The following CLSPN variants were observed in gnomAD, a reference collection of about 807,000 sequenced individuals.
CLSPN encodes claspin homolog.
CLSPN carries 85 observed loss-of-function variants against 156.3 expected under a neutral mutation model. That is an observed-to-expected ratio of 0.54 (90% CI 0.46 to 0.65). The LOEUF (loss-of-function observed/expected upper bound fraction) is 0.65. Among genes scored for constraint, CLSPN ranks in the 30% least tolerant of loss-of-function variants. The pLI is 0.00. For synonymous variants in CLSPN, 534 were observed against 542.4 expected, an observed-to-expected ratio of 0.98 and a Z score of 0.22; for missense variants, 1,407 against 1,554.9, an observed-to-expected ratio of 0.90 and a Z score of 1.60.
intron 24 of CLSPN, among the ~76,000 whole-genome samples, chr1:35,724,642 C>A (rs997263424): frequency 5.9e-5 from 9 of 152,204 alleles, no homozygotes; most frequent in African/African-American, 1.9e-4. Flanking sequence ...ATCATTTTAA[C>A]CTTTTTGGGC....
Position 35,742,223 on chromosome 1 carries a change from C to T in CLSPN, c.3143+918G>A, listed in dbSNP as rs1410367689. Among the ~76,000 whole-genome samples, 3 of 152,154 alleles carry T rather than the reference C, an allele frequency of 2.0e-5. No individual in the cohort carries two copies. The East Asian group carries it at 5.8e-4, about 29-fold the overall frequency. On this transcript the variant is annotated intron_variant, in intron 18 of 24. Coordinates refer to ENST00000318121, the MANE Select transcript of CLSPN (RefSeq NM_022111.4). ...AAGTTAAAAAGTGGCAAACTATTAA[C>T]TGACTGTTAGGGGAGATTTCACCTA...
chr1:35,761,235 T>G, intron 6 of CLSPN, 31 bp from the exon 7 acceptor site: 1 of 1,228,580 alleles, frequency 8.1e-7, no homozygotes, highest in Non-Finnish European at 1.2e-6. Flanking sequence ...AGCAAATATA[T>G]ATACTGTATA....
intron 21 of CLSPN, 88 bp from the exon 22 acceptor site, chr1:35,738,185 G>C: frequency 1.5e-6 from 1 of 669,970 alleles, no homozygotes; most frequent in Non-Finnish European, 2.2e-6. Flanking sequence ...AGCATGGCCT[G>C]GATTGTGAAA....
chr1:35,737,372 A>C lies in CLSPN; in HGVS notation c.3714T>G (p.Pro1238=). 2 of 1,614,124 alleles carry C rather than the reference A, an allele frequency of 1.2e-6. No individual in the cohort carries two copies. The highest frequency in any genetic ancestry group is 1.7e-6 in the Non-Finnish European group (2 of 1,179,960). The change falls in exon 23 of 25, where the codon CCT becomes CCG. Residue 1238 remains proline, a synonymous_variant. Transcript: ENST00000318121. ...CACTTCCTGGTCTGATGGCTTCAAA[A>C]GGATTTCTGAGCAAAGACTTTGATT... ...IQESKSLLRN[P]FEAIRPGSAQ...
At chr1:35,742,804 T>C (rs1053549066) in intron 18 of CLSPN, among the ~76,000 whole-genome samples, 4 of 149,670 alleles carry the variant, frequency 2.7e-5, no homozygotes, top group Non-Finnish European at 5.9e-5. Flanking sequence ...TGAAATGCAG[T>C]GGTGCGATCT....
In CLSPN at chr1:35,735,745, T is replaced by C; in HGVS notation, c.*751A>G. Reference sequence around the variant, plus strand: ...AAATCTTTCTTTCACCGAGCCCTGGTCATCATGGTACGTATCTCATGGGTG... The same window carrying C: ...AAATCTTTCTTTCACCGAGCCCTGGCCATCATGGTACGTATCTCATGGGTG... On this transcript the variant is annotated 3_prime_UTR_variant, in exon 25 of 25. Transcript: ENST00000318121. The C allele has an allele frequency of 2.0e-6, 2 of 984,666 alleles. No individual in the cohort carries two copies. The highest frequency in any genetic ancestry group is 1.7e-5 in the African/African-American group (1 of 57,180). The allele number at this position is 984,666 out of a possible 1,614,324, so 61.0% of individuals were successfully genotyped here.
intron 4 of CLSPN, 101 bp from the exon 5 acceptor site, chr1:35,762,582 A>G (rs1642520727): frequency 1.3e-6 from 1 of 788,770 alleles, no homozygotes; most frequent in East Asian, 2.6e-5. Context: ...ATCATGCTAC[A>G]TTAATAAATC....
In CLSPN at chr1:35,752,579, G is replaced by C. The variant is rs1054069440; in HGVS notation, c.1772-1073C>G. 1.2e-3 allele frequency among the ~76,000 whole-genome samples: 56 copies of C among 46,370 alleles called. 1 individual carries two copies. The highest frequency in any genetic ancestry group is 4.0e-3 in the African/African-American group (54 of 13,360). The allele number at this position is 46,370 out of a possible 152,430, so 30.4% of individuals were successfully genotyped here. The stretch of plus-strand genomic sequence containing the variant: ...GGTGACAGTGCAGGACTCTGTCTTA[G>C]AGGAAAAAAAAAAAAAAAAAAAAAA... On this transcript the variant is annotated intron_variant, in intron 9 of 24. Coordinates refer to ENST00000318121, the MANE Select transcript of CLSPN (RefSeq NM_022111.4).
chr1:35,728,585 T>C (rs1255915008), downstream of CLSPN, among the ~76,000 whole-genome samples: 1 of 152,160 alleles, frequency 6.6e-6, no homozygotes, highest in Non-Finnish European at 1.5e-5. Flanking sequence ...TGCAACTCTT[T>C]GGAACAATAA....
At chr1:35,762,545 A>G in intron 4 of CLSPN, 64 bp from the exon 5 acceptor site, 1 of 1,268,156 alleles carries the variant, frequency 7.9e-7, no homozygotes, top group Non-Finnish European at 1.2e-6. Context: ...GCTTTAGCTG[A>G]AGACTACTTT....
rs200826227 is a variant in CLSPN at position 35,743,120 on chromosome 1, G to T, written c.3143+21C>A. The T allele has an allele frequency of 1.2e-4, 190 of 1,582,898 alleles. No individual in the cohort carries two copies. In the African/African-American group the frequency reaches 1.7e-3, roughly 14 times the overall value. On this transcript the variant is annotated intron_variant, in intron 18 of 24. Coordinates refer to ENST00000318121, the MANE Select transcript of CLSPN (RefSeq NM_022111.4). The stretch of plus-strand genomic sequence containing the variant: ...AAATTTTAAATACACCTGAAGGAAT[G>T]GACATATTAATAACACGTACATTTG...
At chr1:35,745,861 T>A (rs1376597590) in intron 15 of CLSPN, among the ~76,000 whole-genome samples, 1 of 152,188 alleles carries the variant, frequency 6.6e-6, no homozygotes, top group Non-Finnish European at 1.5e-5. Flanking sequence ...TTATATGAAA[T>A]TTATTATACA....
At chr1:35,754,043 C>T (rs1326083667) in intron 8 of CLSPN, 107 bp from the exon 9 acceptor site, 10 of 976,544 alleles carry the variant, frequency 1.0e-5, no homozygotes, top group Admixed American at 5.6e-5. Context: ...AGGGAAACCA[C>T]ACATACACAG....
chr1:35,732,207 C>T lies in CLSPN; in HGVS notation c.*4289G>A, dbSNP rs888825764. The T allele has an allele frequency of 4.1e-6, 4 of 985,174 alleles. No individual in the cohort carries two copies. The highest frequency in any genetic ancestry group is 1.2e-4 in the Admixed American group (2 of 16,232). 61.0% of individuals were successfully genotyped at this position (985,174 alleles called of 1,614,324 possible). A position where few individuals can be genotyped will look rare whatever the true frequency, so the allele number is the denominator to read the frequency against. On this transcript the variant is annotated 3_prime_UTR_variant, in exon 25 of 25. Coordinates refer to ENST00000318121, the MANE Select transcript of CLSPN (RefSeq NM_022111.4). ...GAGTAGGATATAAGGGTAGAAGATA[C>T]AATACCATCTCAAGGATGACATAAT...
At position 35,769,914 on chromosome 1, in the gene CLSPN, T is replaced by G. The variant is rs750131235; in HGVS notation, c.-44A>C. Reference sequence around the variant, plus strand: ...GCTCCACTAGGGACGGAGCTGTCTCTGATTCCCTCAGCCGGAGAGCAGCGG... The same window carrying G: ...GCTCCACTAGGGACGGAGCTGTCTCGGATTCCCTCAGCCGGAGAGCAGCGG... On this transcript the variant is annotated 5_prime_UTR_variant, in exon 1 of 25. Coordinates refer to ENST00000318121, the MANE Select transcript of CLSPN (RefSeq NM_022111.4). 1.2e-6 allele frequency: 2 copies of G among 1,603,554 alleles called. No individual in the cohort carries two copies. The highest frequency in any genetic ancestry group is 1.3e-5 in the African/African-American group (1 of 74,466).
At chr1:35,764,789 A>G in intron 2 of CLSPN, 75 bp from the exon 3 acceptor site, 1 of 914,276 alleles carries the variant, frequency 1.1e-6, no homozygotes, top group Non-Finnish European at 1.6e-6. Context: ...TCAAAAATAT[A>G]TTTTTATACA....
At chr1:35,731,640 A>G (rs1641319837), downstream of CLSPN, among the ~76,000 whole-genome samples, 2 of 152,190 alleles carry the variant, frequency 1.3e-5, no homozygotes, top group Non-Finnish European at 2.9e-5. Flanking sequence ...ATCTTGGACC[A>G]GGGGGCTGGC....
rs894279301 is a variant in CLSPN, at chr1:35,748,434, G to A, written c.2443C>T (p.Arg815Ter). ...GAAGCTGAGCTGACCAAACTGGCTCGAAATAGCCCAGGGGAAGGAGATCTG... is the reference window on the plus strand; with the variant it reads ...GAAGCTGAGCTGACCAAACTGGCTCAAAATAGCCCAGGGGAAGGAGATCTG... ...GFRSPSPGLF[R>*]ASLVSSASKS... The change falls in exon 13 of 25, where the codon CGA becomes TGA. Residue 815 changes from arginine to a stop codon, truncating the protein, a stop_gained. Coordinates refer to ENST00000318121, the MANE Select transcript of CLSPN (RefSeq NM_022111.4). LOFTEE classifies it high-confidence loss of function. The A allele has an allele frequency of 3.1e-6, 5 of 1,613,844 alleles. No homozygotes were observed. The highest frequency in any genetic ancestry group is 1.1e-5 in the South Asian group (1 of 91,084).
chr1:35,748,669 AAG>A (rs1157201344), intron 12 of CLSPN, 65 bp from the exon 13 acceptor site: 4 of 1,374,118 alleles, frequency 2.9e-6, no homozygotes, highest in Non-Finnish European at 4.1e-6. Context: ...GTTTAGGAAA[AAG>A]AGTTGAGGAT....
Sources: allele counts gnomAD v4.1 joint callset (sites outside exome capture counted in the v4.1 genomes callset), GRCh38; gene constraint gnomAD v4.1.1; transcripts MANE v1.5; gene names NCBI Gene and HGNC (gene_info 2026-07-23, HGNC 2026-07-21).